Variants in WDR7 observed in about 807,000 individuals in gnomAD.
The protein encoded by WDR7 is WD repeat-containing protein 7.
In WDR7, 46 loss-of-function variants were observed where a neutral mutation model predicts 169.4. The observed-to-expected ratio is 0.27, with a 90% CI of 0.21 to 0.35. The LOEUF (loss-of-function observed/expected upper bound fraction) is 0.35. WDR7 is among the 10% of genes least tolerant of loss of function. The probability of loss-of-function intolerance (pLI) is 1.00; values close to 1 mark genes in which losing one functional copy is unlikely to be tolerated. For missense variants in WDR7, 1,534 were observed against 1,859.3 expected (o/e 0.83, Z 3.22); for synonymous variants, 612 against 666.8 (o/e 0.92, Z 1.27).
At chr18:56,900,786 G>A (rs921756847) in intron 21 of WDR7, among the ~76,000 whole-genome samples, 2 of 152,144 alleles carry the variant, frequency 1.3e-5, no homozygotes, top group African/African-American at 2.4e-5. Flanking sequence ...GGTCCAAGCT[G>A]GTCTATAGAC....
intron 23 of WDR7, chr18:56,936,178 C>T (rs1278825311): frequency 5.4e-6 from 2 of 371,302 alleles, no homozygotes; most frequent in Admixed American, 8.5e-5. Context: ...ATCTGAATTA[C>T]AGCAGGCATA....
At chr18:56,654,289 G>A (rs113519219) in intron 1 of WDR7, among the ~76,000 whole-genome samples, 4 of 152,000 alleles carry the variant, frequency 2.6e-5, no homozygotes, top group African/African-American at 7.2e-5. Context: ...GCGCCACTAC[G>A]CCCAGCTAAT....
At chr18:57,009,898 C>T (rs2048114428) in intron 26 of WDR7, 5 of 985,402 alleles carry the variant, frequency 5.1e-6, no homozygotes, top group Non-Finnish European at 6.0e-6. Context: ...AGATCCTGAC[C>T]TACTGCTCTA....
At chr18:56,762,489 GT>G (rs1213202259) in intron 16 of WDR7, among the ~76,000 whole-genome samples, 1 of 151,590 alleles carries the variant, frequency 6.6e-6, no homozygotes, top group Admixed American at 6.6e-5. Context: ...TTTGGTGTCA[GT>G]TTTGTTAAGT....
intron 19 of WDR7, among the ~76,000 whole-genome samples, chr18:56,794,940 A>G (rs1457304658): frequency 2.6e-5 from 4 of 152,158 alleles, no homozygotes; most frequent in African/African-American, 7.2e-5. Flanking sequence ...TCTTTTCATT[A>G]GAGTAGCAGA....
chr18:56,948,039 G>T (rs1309791761), intron 25 of WDR7, among the ~76,000 whole-genome samples: 1 of 150,884 alleles, frequency 6.6e-6, no homozygotes, highest in Admixed American at 6.6e-5. Flanking sequence ...AAGGATTAGG[G>T]TTTTTTTTTA....
At chr18:56,937,657 A>C (rs2046978333) in intron 23 of WDR7, among the ~76,000 whole-genome samples, 1 of 152,278 alleles carries the variant, frequency 6.6e-6, no homozygotes, top group East Asian at 1.9e-4. Context: ...AGGCATGTTC[A>C]TATGGATTTT....
intron 12 of WDR7, among the ~76,000 whole-genome samples, chr18:56,697,068 C>CT (rs11387786): frequency 0.82 from 124,361 of 151,630 alleles, 51,712 homozygotes; most frequent in East Asian, 1. Context: ...GATAACAGTA[C>CT]TTTTTTTTAT....
At chr18:56,937,600 G>GA (rs1474297778) in intron 23 of WDR7, among the ~76,000 whole-genome samples, 2 of 152,092 alleles carry the variant, frequency 1.3e-5, no homozygotes, top group African/African-American at 4.8e-5. Flanking sequence ...ATTGTATAGG[G>GA]AAAATCACAC....
At chr18:56,938,308 A>G (rs369919048) in intron 23 of WDR7, among the ~76,000 whole-genome samples, 1 of 152,220 alleles carries the variant, frequency 6.6e-6, no homozygotes, top group African/African-American at 2.4e-5. Context: ...ATAGTGTTGT[A>G]TTAACGTCTC....
chr18:56,828,310 G>A (rs2045246723), intron 20 of WDR7, among the ~76,000 whole-genome samples: 3 of 152,074 alleles, frequency 2.0e-5, no homozygotes, highest in African/African-American at 4.8e-5. Flanking sequence ...TGACCATGAA[G>A]GTGAATTATT....
chr18:56,760,985 A>G (rs1275672531), intron 16 of WDR7, among the ~76,000 whole-genome samples: 2 of 152,064 alleles, frequency 1.3e-5, no homozygotes, highest in East Asian at 3.9e-4. Flanking sequence ...TTATATGTTG[A>G]TTACTCATTT....
chr18:56,782,947 G>A (rs1021624839), intron 19 of WDR7, among the ~76,000 whole-genome samples: 2 of 152,034 alleles, frequency 1.3e-5, no homozygotes, highest in African/African-American at 2.4e-5. Flanking sequence ...TAAGTGCGTA[G>A]AACAATTCCT....
At chr18:56,965,310 G>T (rs374880016) in intron 26 of WDR7, among the ~76,000 whole-genome samples, 169 of 152,240 alleles carry the variant, frequency 1.1e-3, no homozygotes, top group Middle Eastern at 3.4e-3. Context: ...GGCCCAGTGG[G>T]ATCAGAGAAC....
Position 56,733,168 on chromosome 18 carries a change from A to T in WDR7, c.1989+1571A>T, listed in dbSNP as rs368244595. The stretch of plus-strand genomic sequence containing the variant: ...GTATTGTAAAATATATTGCTTGTGA[A>T]CCTCCTTAGTCTTGTAGCAGTGGTA... On this transcript the variant is annotated intron_variant, in intron 14 of 27. Coordinates refer to ENST00000254442, the MANE Select transcript of WDR7 (RefSeq NM_015285.3). 3.1e-4 allele frequency among the ~76,000 whole-genome samples: 47 copies of T among 152,216 alleles called. No homozygotes were observed. In the South Asian group the frequency reaches 9.7e-3, roughly 32 times the overall value.
chr18:56,690,792 G>A (rs1445529584), intron 7 of WDR7, among the ~76,000 whole-genome samples: 1 of 148,028 alleles, frequency 6.8e-6, no homozygotes, highest in Non-Finnish European at 1.5e-5. Flanking sequence ...TTCAGCCTGG[G>A]TGGCAGAGCA....
intron 19 of WDR7, among the ~76,000 whole-genome samples, chr18:56,800,465 T>A (rs535385780): frequency 3.9e-5 from 6 of 152,234 alleles, no homozygotes; most frequent in Non-Finnish European, 7.3e-5. Flanking sequence ...TCTTTATATC[T>A]TATATATAAA....
chr18:57,024,052 T>TTATG (rs1443879299), intron 27 of WDR7, among the ~76,000 whole-genome samples: 1 of 152,212 alleles, frequency 6.6e-6, no homozygotes, highest in Non-Finnish European at 1.5e-5. Flanking sequence ...CTCTTCATCT[T>TTATG]TATGTATATG....
chr18:56,766,639 T>C (rs2144996053), intron 16 of WDR7, among the ~76,000 whole-genome samples: 1 of 152,238 alleles, frequency 6.6e-6, no homozygotes, highest in African/African-American at 2.4e-5. Context: ...ATTTTCCCTG[T>C]TTGGCCCCCT....
Sources: gnomAD v4.1 joint callset for allele counts (sites outside exome capture counted in the v4.1 genomes callset) on GRCh38, gnomAD v4.1.1 for gene constraint, MANE v1.5 for transcripts, NCBI Gene and HGNC (gene_info 2026-07-23, HGNC 2026-07-21) for gene names.